Variants in PTBP3 observed in about 807,000 individuals in gnomAD.
PTBP3 encodes the protein polypyrimidine tract binding protein 3, also known as polypyrimidine tract-binding protein 3.
PTBP3 carries 20 observed loss-of-function variants against 58.7 expected under a neutral mutation model. The observed-to-expected ratio is 0.34, with a 90% CI of 0.24 to 0.50. The LOEUF (loss-of-function observed/expected upper bound fraction) is 0.50, where lower values mean the gene tolerates loss of function less well. PTBP3 is among the 20% of genes least tolerant of loss of function. The pLI, the probability that PTBP3 is intolerant of heterozygous loss-of-function variation, is 0.98. For synonymous variants in PTBP3, 185 were observed against 219.8 expected, an observed-to-expected ratio of 0.84 and a Z score of 1.40; for missense variants, 509 against 637.2, an observed-to-expected ratio of 0.80 and a Z score of 2.17.
At chr9:112,297,260 A>C (rs1005159011) in intron 2 of PTBP3, among the ~76,000 whole-genome samples, 1 of 152,184 alleles carries the variant, frequency 6.6e-6, no homozygotes, top group Non-Finnish European at 1.5e-5. Context: ...GCTGAAGTGC[A>C]ATGGCACGTT....
At chr9:112,332,944 G>A in intron 1 of PTBP3, 1 of 1,496,576 alleles carries the variant, frequency 6.7e-7, no homozygotes, top group Non-Finnish European at 9.0e-7. Context: ...CTGGGACCCC[G>A]CGTGGGACCA....
At chr9:112,236,034 G>A (rs1835425911) in intron 7 of PTBP3, among the ~76,000 whole-genome samples, 1 of 152,048 alleles carries the variant, frequency 6.6e-6, no homozygotes, top group Non-Finnish European at 1.5e-5. Context: ...ACCTCAAAGG[G>A]GGGAGTTTGC....
At chr9:112,356,856 G>A in the PTBP3 span, among the ~76,000 whole-genome samples, 2 of 143,746 alleles carry the variant, frequency 1.4e-5, no homozygotes, top group Middle Eastern at 3.7e-3. Flanking sequence ...TTCAGAGCAG[G>A]TGTATATTCA....
In PTBP3 at chr9:112,291,095, G is replaced by A. The variant is rs965278439; in HGVS notation, c.34+6737C>T. 3.3e-5 allele frequency among the ~76,000 whole-genome samples: 5 copies of A among 152,122 alleles called. No homozygotes were observed. In the South Asian group the frequency reaches 6.2e-4, roughly 19 times the overall value. ...AAATTAGCTGGGCATGGTGGCGGGCGCCTGTAGTCCCAGCTACTTGGGAGG... is the reference window on the plus strand; with the variant it reads ...AAATTAGCTGGGCATGGTGGCGGGCACCTGTAGTCCCAGCTACTTGGGAGG... On this transcript the variant is annotated intron_variant, in intron 2 of 13. Transcript: ENST00000374257.
the PTBP3 span, among the ~76,000 whole-genome samples, chr9:112,357,331 GTGT>G: frequency 2.1e-4 from 32 of 151,956 alleles, no homozygotes; most frequent in East Asian, 1.2e-3. Flanking sequence ...TGTTCTTTTT[GTGT>G]TGTTGTTGTT....
the PTBP3 span, among the ~76,000 whole-genome samples, chr9:112,372,011 G>A: frequency 6.6e-6 from 1 of 152,170 alleles, no homozygotes; most frequent in South Asian, 2.1e-4. Context: ...CTGTAAAAAG[G>A]GGGCTGGGTC....
intron 5 of PTBP3, among the ~76,000 whole-genome samples, chr9:112,258,499 C>T (rs1346478677): frequency 6.6e-6 from 1 of 151,498 alleles, no homozygotes; most frequent in Non-Finnish European, 1.5e-5. Context: ...TTAACATGTT[C>T]AAATCAAACT....
chr9:112,228,544 C>T (rs959542324), intron 10 of PTBP3, 72 bp from the exon 11 acceptor site: 1 of 1,046,186 alleles, frequency 9.6e-7, no homozygotes, highest in South Asian at 1.8e-5. Flanking sequence ...TACTAATATA[C>T]TTAAAGAAGG....
chr9:112,318,488 A>G (rs1329252032), intron 1 of PTBP3, among the ~76,000 whole-genome samples: 1 of 152,222 alleles, frequency 6.6e-6, no homozygotes, highest in Non-Finnish European at 1.5e-5. Context: ...AGCTGGGTGC[A>G]GTGGCTCACA....
chr9:112,226,297 G>C (rs1038552805), intron 12 of PTBP3, among the ~76,000 whole-genome samples: 4 of 151,824 alleles, frequency 2.6e-5, no homozygotes, highest in African/African-American at 9.7e-5. Context: ...AGACCAGCAG[G>C]GAGGCCGGAT....
At chr9:112,271,202 C>G (rs1005012915) in intron 3 of PTBP3, among the ~76,000 whole-genome samples, 2 of 152,134 alleles carry the variant, frequency 1.3e-5, no homozygotes, top group African/African-American at 4.8e-5. Context: ...AATTCTGAGG[C>G]ACAGTCTGAG....
At chr9:112,324,185 G>C (rs1449201484) in intron 1 of PTBP3, among the ~76,000 whole-genome samples, 1 of 151,956 alleles carries the variant, frequency 6.6e-6, no homozygotes, top group Non-Finnish European at 1.5e-5. Flanking sequence ...CAGAGAAAAA[G>C]CATCCTCGGA....
intron 4 of PTBP3, 110 bp downstream of exon 4, chr9:112,267,939 A>G: frequency 9.8e-7 from 1 of 1,021,126 alleles, no homozygotes; most frequent in Non-Finnish European, 1.4e-6. Flanking sequence ...ATGACTAGTA[A>G]AGTATCCTAA....
rs1347632532 is a variant in PTBP3, at chr9:112,222,454, G to A, written c.*1397C>T. 37 of 985,480 alleles carry A rather than the reference G, an allele frequency of 3.8e-5. No homozygotes were observed. The East Asian group carries it at 6.8e-4, about 18-fold the overall frequency. 61.0% of individuals were successfully genotyped at this position (985,480 alleles called of 1,614,324 possible). ...GGACTGAGAAAAACCAAGTAATCCT[G>A]AGACAAATTCTGATGGGTGAAAAAG... On this transcript the variant is annotated 3_prime_UTR_variant, in exon 14 of 14. Transcript: ENST00000374257.
intron 3 of PTBP3, among the ~76,000 whole-genome samples, chr9:112,271,533 C>T (rs1173030519): frequency 1.3e-5 from 2 of 152,132 alleles, no homozygotes; most frequent in East Asian, 3.9e-4. Flanking sequence ...CCAGCCTAGC[C>T]AATGTGGTGT....
In PTBP3 at chr9:112,219,373, T is replaced by C. The variant is rs1476310270; in HGVS notation, c.*4478A>G. 3 of 152,494 alleles carry C rather than the reference T, an allele frequency of 2.0e-5. No homozygotes were observed. Among genetic ancestry groups the C allele is most frequent in the Admixed American group, 1.3e-4 (2 of 15,300 alleles). The allele number at this position is 152,494 out of a possible 1,614,324, so 9.4% of individuals were successfully genotyped here. A position where few individuals can be genotyped will look rare whatever the true frequency, so the allele number is the denominator to read the frequency against. ...AATATTTGTTATTACAACTACTACATAGATCCAAGAAGTGAAAATAATACA... is the reference window on the plus strand; with the variant it reads ...AATATTTGTTATTACAACTACTACACAGATCCAAGAAGTGAAAATAATACA... On this transcript the variant is annotated 3_prime_UTR_variant, in exon 14 of 14. Transcript: ENST00000374257.
In PTBP3 at chr9:112,220,702, T is replaced by C. The variant is rs924114195; in HGVS notation, c.*3149A>G. Reference sequence around the variant, plus strand: ...ACTGGGTCATTTTTCTATTTGTATGTTACACAAAACACATTTTACTGCTAT... The same window carrying C: ...ACTGGGTCATTTTTCTATTTGTATGCTACACAAAACACATTTTACTGCTAT... On this transcript the variant is annotated 3_prime_UTR_variant, in exon 14 of 14. Transcript: ENST00000374257. 2.0e-6 allele frequency: 2 copies of C among 985,618 alleles called. No individual in the cohort carries two copies. The highest frequency in any genetic ancestry group is 6.1e-5 in the Admixed American group (1 of 16,464). 61.1% of individuals were successfully genotyped at this position (985,618 alleles called of 1,614,324 possible). A position where few individuals can be genotyped will look rare whatever the true frequency, so the allele number is the denominator to read the frequency against.
chr9:112,329,618 C>T (rs1830287529), intron 1 of PTBP3, among the ~76,000 whole-genome samples: 2 of 152,128 alleles, frequency 1.3e-5, no homozygotes, highest in African/African-American at 2.4e-5. Flanking sequence ...CACTAGTGCA[C>T]CACATCTTGG....
intron 4 of PTBP3, among the ~76,000 whole-genome samples, chr9:112,263,339 T>TA (rs1836675245): frequency 6.6e-6 from 1 of 152,166 alleles, no homozygotes; most frequent in Non-Finnish European, 1.5e-5. Context: ...GCCCACAAAA[T>TA]ACTACTTTTC....
Sources: allele counts gnomAD v4.1 joint callset (sites outside exome capture counted in the v4.1 genomes callset), GRCh38; gene constraint gnomAD v4.1.1; transcripts MANE v1.5; gene names NCBI Gene and HGNC (gene_info 2026-07-23, HGNC 2026-07-21).